TBC1D30: variants seen among roughly 807,000 people sequenced by gnomAD.
TBC1D30 encodes the protein TBC1 domain family member 30, also known as TBC1 domain family, member 30.
Under a neutral mutation model 63.2 loss-of-function variants are expected in TBC1D30, and 31 were observed. That is an observed-to-expected ratio of 0.49 (90% CI 0.37 to 0.66). TBC1D30 has a LOEUF of 0.66. Ranked by LOEUF, TBC1D30 falls within the 30% of genes least tolerant of loss-of-function variation. TBC1D30 has a pLI of 0.00. For synonymous variants in TBC1D30, 307 were observed against 361.5 expected (o/e 0.85, Z 1.71); for missense variants, 810 against 953.6 (o/e 0.85, Z 1.98).
upstream of TBC1D30, among the ~76,000 whole-genome samples, chr12:64,778,308 G>A (rs1374440362): frequency 6.6e-6 from 1 of 152,134 alleles, no homozygotes; most frequent in East Asian, 1.9e-4. Context: ...AATGTGCCAG[G>A]GATTGTTCTA....
intron 2 of TBC1D30, among the ~76,000 whole-genome samples, chr12:64,809,753 G>A (rs924867026): frequency 5.9e-5 from 9 of 151,934 alleles, no homozygotes; most frequent in Non-Finnish European, 8.8e-5. Flanking sequence ...TCTGTGATTC[G>A]TGCTCTGCTT....
At chr12:64,812,684 G>A (rs1873283439) in intron 2 of TBC1D30, among the ~76,000 whole-genome samples, 1 of 151,910 alleles carries the variant, frequency 6.6e-6, no homozygotes, top group Admixed American at 6.6e-5. Flanking sequence ...TATTTAAAAA[G>A]TTATGATGTT....
chr12:64,835,477 A>G (rs1394152842), intron 5 of TBC1D30, among the ~76,000 whole-genome samples: 1 of 152,106 alleles, frequency 6.6e-6, no homozygotes, highest in Non-Finnish European at 1.5e-5. Context: ...AGAGCCCATT[A>G]TATATATAGA....
upstream of TBC1D30, among the ~76,000 whole-genome samples, chr12:64,776,241 C>T (rs1871076024): frequency 1.3e-5 from 2 of 152,026 alleles, no homozygotes. Flanking sequence ...CCAAAGCTAG[C>T]AGAAGTCAAT....
rs1363014840 is a variant in TBC1D30, at chr12:64,875,783, C to G, written c.2281C>G (p.Arg761Gly). Reference sequence around the variant, plus strand: ...CGGTGGAAACAGTGGCACTAAAAAACGATGATGTCTCCCCGAAACTTTGTA... The same window carrying G: ...CGGTGGAAACAGTGGCACTAAAAAAGGATGATGTCTCCCCGAAACTTTGTA... ...PGGGNSGTKKR is the reference protein window; with the variant it reads ...PGGGNSGTKKG The change falls in exon 12 of 12, where the codon CGA becomes GGA. Residue 761 changes from arginine (R) to glycine (G), a missense_variant. Arg to Gly is a moderately radical substitution (Grantham distance 125). Transcript: ENST00000539867. 2.0e-6 allele frequency: 3 copies of G among 1,527,826 alleles called. No homozygotes were observed. The African/African-American group carries it at 4.1e-5, about 21-fold the overall frequency. 94.6% of individuals were successfully genotyped at this position (1,527,826 alleles called of 1,614,324 possible).
chr12:64,791,627 A>G (rs1166956059), intron 2 of TBC1D30, among the ~76,000 whole-genome samples: 2 of 151,822 alleles, frequency 1.3e-5, no homozygotes, highest in Admixed American at 6.6e-5. Context: ...TGATTCTCCC[A>G]CGGCCTCCCG....
intron 1 of TBC1D30, among the ~76,000 whole-genome samples, chr12:64,826,840 A>G (rs1292651287): frequency 6.6e-6 from 1 of 152,196 alleles, no homozygotes; most frequent in Admixed American, 6.5e-5. Context: ...GGGTTCCAAG[A>G]ACACCTGCAT....
chr12:64,857,948 A>G, intron 8 of TBC1D30, among the ~76,000 whole-genome samples: 1 of 151,664 alleles, frequency 6.6e-6, no homozygotes, highest in South Asian at 2.1e-4. Context: ...CTCTTTCTCC[A>G]TGTCTTATGG....
At chr12:64,784,988 A>G (rs1039392490) in intron 1 of TBC1D30, among the ~76,000 whole-genome samples, 2 of 152,208 alleles carry the variant, frequency 1.3e-5, no homozygotes, top group Non-Finnish European at 2.9e-5. Context: ...AGGCTCTAAG[A>G]TGAAATATTG....
Position 64,848,813 on chromosome 12 carries a change from C to T in TBC1D30, c.1038+5328C>T, listed in dbSNP as rs144803674. ...CCAGTAATGGGATTGCTGGGTCAAA[C>T]GGTATTTCTGGTTCTAGATCCTTCA... On this transcript the variant is annotated intron_variant, in intron 8 of 11. Coordinates refer to ENST00000539867, the MANE Select transcript of TBC1D30 (RefSeq NM_015279.2). Among the ~76,000 whole-genome samples the T allele has an allele frequency of 2.6e-3, 401 of 152,202 alleles. 1 individual carries two copies. Among genetic ancestry groups the T allele is most frequent in the African/African-American group, 7.9e-3 (327 of 41,558 alleles).
intron 2 of TBC1D30, among the ~76,000 whole-genome samples, chr12:64,791,992 A>G (rs766428421): frequency 1.3e-5 from 2 of 152,182 alleles, no homozygotes; most frequent in Admixed American, 1.3e-4. Flanking sequence ...AGAATTTGCC[A>G]TAACTTTTCA....
upstream of TBC1D30, among the ~76,000 whole-genome samples, chr12:64,821,586 CCT>C (rs536846575): frequency 1.1e-4 from 17 of 152,250 alleles, no homozygotes; most frequent in East Asian, 2.9e-3. Context: ...CTGCCAGTTC[CCT>C]CTCTTTGACT....
chr12:64,852,786 A>T (rs898459115), intron 8 of TBC1D30, among the ~76,000 whole-genome samples: 4 of 152,168 alleles, frequency 2.6e-5, no homozygotes, highest in Admixed American at 6.5e-5. Flanking sequence ...GGTCCACTCC[A>T]GACCCTGTTT....
chr12:64,829,774 C>G (rs1365992868), intron 3 of TBC1D30, among the ~76,000 whole-genome samples: 2 of 152,144 alleles, frequency 1.3e-5, no homozygotes, highest in Admixed American at 1.3e-4. Flanking sequence ...GAGGGTTCCT[C>G]AAAATAGTCA....
chr12:64,864,725 T>C lies in TBC1D30; in HGVS notation c.1096T>C (p.Tyr366His), dbSNP rs1472867713. 6.5e-7 allele frequency: 1 copy of C among 1,536,262 alleles called. No individual in the cohort carries two copies. The highest frequency in any genetic ancestry group is 1.2e-5 in the South Asian group (1 of 84,046). Residue 366 changes from tyrosine to histidine, a missense_variant, in exon 9 of 12, where the codon TAC (tyrosine) becomes CAC (histidine). By Grantham distance (83) the Tyr-to-His change is moderately conservative. Coordinates refer to ENST00000539867, the MANE Select transcript of TBC1D30 (RefSeq NM_015279.2). ...FPQLAELREK[Y>H]TYNITPFPAT... The stretch of plus-strand genomic sequence containing the variant: ...ACAATTGGCAGAGTTGAGGGAAAAA[T>C]ACACCTACAACATTACACCGTTCCC...
At chr12:64,824,177 C>T (rs978290697), upstream of TBC1D30, among the ~76,000 whole-genome samples, 8 of 151,970 alleles carry the variant, frequency 5.3e-5, no homozygotes, top group African/African-American at 1.7e-4. Context: ...AAAGAGAACA[C>T]TTTTTTTCTG....
At chr12:64,816,847 A>G (rs1314257082) in intron 2 of TBC1D30, among the ~76,000 whole-genome samples, 1 of 126,824 alleles carries the variant, frequency 7.9e-6, no homozygotes, top group Non-Finnish European at 1.6e-5. Flanking sequence ...TCTTCCTTCT[A>G]TCAGGGTGTT....
Position 64,877,129 on chromosome 12 carries a change from CAAA to C in TBC1D30, c.*1343_*1345del, listed in dbSNP as rs945326232. 4.1e-5 allele frequency: 12 copies of C among 294,452 alleles called. No individual in the cohort carries two copies. The highest frequency in any genetic ancestry group is 2.6e-4 in the African/African-American group (12 of 45,820). 18.2% of individuals were successfully genotyped at this position (294,452 alleles called of 1,614,324 possible). ...TACAGAGTCCCTTGATGGCATTTTA[CAAA>C]ACCAGCTCTGACTTCCTTATCCTGA... On this transcript the variant is annotated 3_prime_UTR_variant, in exon 12 of 12. Coordinates refer to ENST00000539867, the MANE Select transcript of TBC1D30 (RefSeq NM_015279.2).
intron 2 of TBC1D30, among the ~76,000 whole-genome samples, chr12:64,790,625 T>C (rs1871863484): frequency 6.6e-6 from 1 of 152,230 alleles, no homozygotes; most frequent in African/African-American, 2.4e-5. Flanking sequence ...ATAGAAATTT[T>C]AGACAGCTTA....
Sources: allele counts gnomAD v4.1 joint callset (sites outside exome capture counted in the v4.1 genomes callset), GRCh38; gene constraint gnomAD v4.1.1; transcripts MANE v1.5; gene names NCBI Gene and HGNC (gene_info 2026-07-23, HGNC 2026-07-21).